CAMK1D: variants seen among roughly 807,000 people sequenced by gnomAD.
The protein encoded by CAMK1D is calcium/calmodulin-dependent protein kinase type 1D.
Under a neutral mutation model 47.7 loss-of-function variants are expected in CAMK1D, and 9 were observed. The ratio of observed to expected loss-of-function variants is 0.19; its 90% CI spans 0.11 to 0.33. CAMK1D has a LOEUF of 0.33. Among genes scored for constraint, CAMK1D ranks in the 10% least tolerant of loss-of-function variants. The probability of loss-of-function intolerance (pLI) is 1.00; values close to 1 mark genes in which losing one functional copy is unlikely to be tolerated. For synonymous variants in CAMK1D, 184 were observed against 184.9 expected (o/e 0.99, Z 0.04); for missense variants, 291 against 488.7 (o/e 0.60, Z 3.81).
chr10:12,650,509 G>C (rs1369784251), intron 2 of CAMK1D, among the ~76,000 whole-genome samples: 1 of 152,306 alleles, frequency 6.6e-6, no homozygotes, highest in African/African-American at 2.4e-5. Flanking sequence ...GCACTCCTGG[G>C]TCCCTTCTCT....
At chr10:12,551,446 A>G (rs1836573627) in intron 1 of CAMK1D, among the ~76,000 whole-genome samples, 1 of 152,178 alleles carries the variant, frequency 6.6e-6, no homozygotes, top group Non-Finnish European at 1.5e-5. Context: ...ATTATACATT[A>G]CTGTGTAATA....
At chr10:12,734,363 TATATATATATATATAGATATAGATATAG>T (rs1835048827) in intron 3 of CAMK1D, among the ~76,000 whole-genome samples, 1 of 10,182 alleles carries the variant, frequency 9.8e-5, no homozygotes, top group African/African-American at 3.5e-4. Flanking sequence ...TATATATATA[TATATATATATATATAGATATAGATATAG>T]ATATATATAT....
chr10:12,532,283 C>CTTT, intron 1 of CAMK1D, among the ~76,000 whole-genome samples: 1 of 144,270 alleles, frequency 6.9e-6, no homozygotes. Flanking sequence ...TTTTTATTTT[C>CTTT]TTTTTTTTTT....
At chr10:12,629,225 T>C (rs1170832197) in intron 2 of CAMK1D, among the ~76,000 whole-genome samples, 1 of 152,186 alleles carries the variant, frequency 6.6e-6, no homozygotes, top group African/African-American at 2.4e-5. Context: ...AGAGCAAACC[T>C]CTGGGCTTTC....
At chr10:12,639,051 G>C (rs557441705) in intron 2 of CAMK1D, among the ~76,000 whole-genome samples, 1 of 152,302 alleles carries the variant, frequency 6.6e-6, no homozygotes, top group South Asian at 2.1e-4. Context: ...GCTCATTCCT[G>C]GGCCGTGGAA....
At chr10:12,770,113 A>T (rs1354635212) in intron 5 of CAMK1D, among the ~76,000 whole-genome samples, 1 of 152,226 alleles carries the variant, frequency 6.6e-6, no homozygotes, top group East Asian at 1.9e-4. Context: ...GAGATACTGC[A>T]TACATCTGTT....
At chr10:12,712,379 G>A (rs1469927741) in intron 3 of CAMK1D, among the ~76,000 whole-genome samples, 4 of 152,214 alleles carry the variant, frequency 2.6e-5, no homozygotes, top group African/African-American at 7.2e-5. Context: ...GCCATGGAGG[G>A]GCACACAGGG....
At chr10:12,801,391 T>TATCTATCTATCTATCTATCTATCCATCC (rs1242051924) in intron 6 of CAMK1D, among the ~76,000 whole-genome samples, 1 of 145,356 alleles carries the variant, frequency 6.9e-6, no homozygotes, top group Non-Finnish European at 1.5e-5. Context: ...TCTATCTATC[T>TATCTATCTATCTATCTATCTATCCATCC]ATCCATCCAT....
intron 3 of CAMK1D, among the ~76,000 whole-genome samples, chr10:12,756,788 C>A (rs374810662): frequency 6.6e-6 from 1 of 152,070 alleles, no homozygotes; most frequent in East Asian, 1.9e-4. Context: ...ATTAGCCGGG[C>A]GTGGTGGTGG....
chr10:12,364,151 G>T (rs1247087982), intron 1 of CAMK1D, among the ~76,000 whole-genome samples: 1 of 151,868 alleles, frequency 6.6e-6, no homozygotes, highest in Non-Finnish European at 1.5e-5. Flanking sequence ...GGACATGAAG[G>T]GTCAGAGAAG....
intron 1 of CAMK1D, among the ~76,000 whole-genome samples, chr10:12,536,073 G>T (rs142466961): frequency 1.7e-4 from 26 of 152,152 alleles, no homozygotes; most frequent in African/African-American, 5.5e-4. Context: ...TTTCCTGAAG[G>T]CACCTTTATC....
intron 2 of CAMK1D, among the ~76,000 whole-genome samples, chr10:12,615,013 G>A (rs1410231670): frequency 1.3e-5 from 2 of 152,190 alleles, no homozygotes; most frequent in African/African-American, 4.8e-5. Flanking sequence ...TGAAGATAAC[G>A]TTGGAGATGG....
chr10:12,357,457 A>T (rs1837551104), intron 1 of CAMK1D, among the ~76,000 whole-genome samples: 1 of 152,076 alleles, frequency 6.6e-6, no homozygotes, highest in Non-Finnish European at 1.5e-5. Context: ...GTAGGACTAC[A>T]GGCGCGTACT....
intron 2 of CAMK1D, among the ~76,000 whole-genome samples, chr10:12,606,334 G>A (rs1209936689): frequency 1.3e-5 from 2 of 152,124 alleles, no homozygotes; most frequent in Admixed American, 1.3e-4. Flanking sequence ...GCACAGAGTC[G>A]GTCACGCACG....
chr10:12,617,272 C>A (rs922153908), intron 2 of CAMK1D, among the ~76,000 whole-genome samples: 3 of 152,086 alleles, frequency 2.0e-5, no homozygotes, highest in Non-Finnish European at 4.4e-5. Context: ...GTAATTTTTT[C>A]ACAACAAGAA....
intron 1 of CAMK1D, among the ~76,000 whole-genome samples, chr10:12,400,493 C>T (rs1464001476): frequency 6.6e-6 from 1 of 152,096 alleles, no homozygotes; most frequent in Admixed American, 6.6e-5. Context: ...TGGAAGCTGC[C>T]CAAGACTCCC....
intron 1 of CAMK1D, among the ~76,000 whole-genome samples, chr10:12,412,455 C>CAAAAAAAAAAA (rs1180559333): frequency 5.9e-5 from 7 of 118,670 alleles, no homozygotes; most frequent in Non-Finnish European, 8.3e-5. Context: ...ACTAAAAATA[C>CAAAAAAAAAAA]AAAAAAAAAA....
chr10:12,716,240 C>A (rs950325303), intron 3 of CAMK1D, among the ~76,000 whole-genome samples: 2 of 152,150 alleles, frequency 1.3e-5, no homozygotes, highest in Non-Finnish European at 2.9e-5. Flanking sequence ...CTGGAGAATT[C>A]TTTGCTGCAG....
At chr10:12,685,231 G>A (rs1412586394) in intron 3 of CAMK1D, among the ~76,000 whole-genome samples, 1 of 152,192 alleles carries the variant, frequency 6.6e-6, no homozygotes, top group African/African-American at 2.4e-5. Flanking sequence ...AACCGGAGAG[G>A]CGGAGGTTGC....
Sources: gnomAD v4.1 joint callset for allele counts (sites outside exome capture counted in the v4.1 genomes callset) on GRCh38, gnomAD v4.1.1 for gene constraint, MANE v1.5 for transcripts, NCBI Gene and HGNC (gene_info 2026-07-23, HGNC 2026-07-21) for gene names.